The following TRMT61B variants were observed in gnomAD, a reference collection of about 807,000 sequenced individuals.
TRMT61B encodes tRNA (adenine(58)-N(1))-methyltransferase, mitochondrial.
A neutral mutation model predicts 52.0 loss-of-function variants in TRMT61B; 56 were observed. The ratio of observed to expected loss-of-function variants is 1.08; its 90% CI spans 0.87 to 1.35. The LOEUF (loss-of-function observed/expected upper bound fraction) is 1.35. TRMT61B is among the 40% of genes most tolerant of loss of function. TRMT61B has a pLI of 0.00. For synonymous variants in TRMT61B, 206 were observed against 220.0 expected (o/e 0.94, Z 0.56); for missense variants, 650 against 577.9 (o/e 1.12, Z -1.28).
intron 1 of TRMT61B, among the ~76,000 whole-genome samples, chr2:28,868,694 T>C (rs1669951278): frequency 6.6e-6 from 1 of 152,222 alleles, no homozygotes; most frequent in Admixed American, 6.5e-5. Context: ...ATTGAAATAA[T>C]CTGCTAGCAA....
chr2:28,857,678 A>ATTTAAT (rs1364417404), intron 3 of TRMT61B, among the ~76,000 whole-genome samples: 1 of 152,086 alleles, frequency 6.6e-6, no homozygotes, highest in African/African-American at 2.4e-5. Flanking sequence ...TAAGTGACTT[A>ATTTAAT]CCCAAGGTTA....
intron 1 of TRMT61B, among the ~76,000 whole-genome samples, chr2:28,865,902 A>T (rs1460082737): frequency 6.6e-6 from 1 of 151,348 alleles, no homozygotes; most frequent in Admixed American, 6.6e-5. Context: ...GCTGGTCTTG[A>T]ACTCCTGACC....
intron 1 of TRMT61B, among the ~76,000 whole-genome samples, chr2:28,865,694 T>C (rs967425628): frequency 9.6e-6 from 1 of 103,858 alleles, no homozygotes; most frequent in Non-Finnish European, 2.1e-5. Flanking sequence ...TTTTTTTTTT[T>C]TGGGAGACGA....
chr2:28,852,468 G>T lies in TRMT61B; in HGVS notation c.1025C>A (p.Thr342Asn). ...VALDMLNPHVTLPVFYPHLKH... is the reference protein window; with the variant it reads ...VALDMLNPHVNLPVFYPHLKH... ...AAGATGTGGGTAAAAAACAGGCAAA[G>T]TAACATGAGGATTTAACATATCCAA... is the stretch of plus-strand genomic sequence containing the variant. The change falls in exon 4 of 7, where the codon ACT becomes AAT. Residue 342 changes from threonine (T) to asparagine (N), a missense_variant. Transcript: ENST00000306108. 6.2e-7 allele frequency: 1 copy of T among 1,612,424 alleles called. No homozygotes were observed. The highest frequency in any genetic ancestry group is 8.5e-7 in the Non-Finnish European group (1 of 1,178,774).
At position 28,861,446 on chromosome 2, in the gene TRMT61B, T is replaced by G. The variant is rs932986385; in HGVS notation, c.803-138A>C. 1.5e-5 allele frequency: 10 copies of G among 685,932 alleles called. No individual in the cohort carries two copies. The Admixed American group carries it at 2.1e-4, about 14-fold the overall frequency. The allele number at this position is 685,932 out of a possible 1,614,324, so 42.5% of individuals were successfully genotyped here. On this transcript the variant is annotated intron_variant, in intron 2 of 6. Coordinates refer to ENST00000306108, the MANE Select transcript of TRMT61B (RefSeq NM_017910.4). ...TCAATGTTACAAGTCTGATCTCCTA[T>G]CCCTGATCTCCAATTAATCTCCCTC...
In TRMT61B at chr2:28,870,226, G is replaced by A. The variant is rs1452894000; in HGVS notation, c.52C>T (p.Leu18Phe). Residue 18 changes from leucine (L) to phenylalanine (F), a missense_variant, in exon 1 of 7, where the codon CTC (leucine) becomes TTC (phenylalanine). Coordinates refer to ENST00000306108, the MANE Select transcript of TRMT61B (RefSeq NM_017910.4). ...CCGTGCAGGAATGAATTGGTTCCGA[G>A]CCCCTGCCGCAGGCACAGCAAGACA... ...GPVLLCLRQG[L>F]GTNSFLHGLG... 6.2e-7 allele frequency: 1 copy of A among 1,608,202 alleles called. No homozygotes were observed. Among genetic ancestry groups the A allele is most frequent in the Non-Finnish European group, 8.5e-7 (1 of 1,178,882 alleles).
At chr2:28,858,571 G>T (rs1669447722) in intron 3 of TRMT61B, among the ~76,000 whole-genome samples, 1 of 151,314 alleles carries the variant, frequency 6.6e-6, no homozygotes, top group Non-Finnish European at 1.5e-5. Context: ...GAAGCGGGTG[G>T]ATCGCTTGAG....
In TRMT61B at chr2:28,869,824, GA is replaced by G; in HGVS notation, c.453del (p.Gln152ArgfsTer5). ...TCAGCTAAAATCAGTTCCCCAGCCTGAAAGGGTCTCTCTCTGGAAGTTGAAC... is the reference window on the plus strand; with the variant it reads ...TCAGCTAAAATCAGTTCCCCAGCCTGAAGGGTCTCTCTCTGGAAGTTGAAC... ...PSCSTSRERPFQAGELILAET... is the reference protein window; with the variant it reads ...PSCSTSRERPXQAGELILAET... On this transcript the variant is annotated frameshift_variant, in exon 1 of 7. Coordinates refer to ENST00000306108, the MANE Select transcript of TRMT61B (RefSeq NM_017910.4). LOFTEE classifies it high-confidence loss of function. The G allele has an allele frequency of 6.2e-7, 1 of 1,614,150 alleles. No homozygotes were observed. The highest frequency in any genetic ancestry group is 8.5e-7 in the Non-Finnish European group (1 of 1,180,002).
intron 3 of TRMT61B, among the ~76,000 whole-genome samples, chr2:28,853,073 A>G (rs996014171): frequency 1.3e-5 from 2 of 152,218 alleles, no homozygotes; most frequent in Non-Finnish European, 2.9e-5. Context: ...GTATATATGA[A>G]TATAACCAAA....
intron 2 of TRMT61B, among the ~76,000 whole-genome samples, chr2:28,862,864 T>TGTG (rs1669667819): frequency 6.9e-5 from 10 of 143,934 alleles, no homozygotes; most frequent in Non-Finnish European, 1.5e-4. Context: ...GTATTTGTAT[T>TGTG]TGTGTGTGTG....
At position 28,865,122 on chromosome 2, in the gene TRMT61B, A is replaced by G. The variant is rs1669777131; in HGVS notation, c.700-3T>C. The G allele has an allele frequency of 1.9e-6, 3 of 1,559,396 alleles. No individual in the cohort carries two copies. The highest frequency in any genetic ancestry group is 1.7e-4 in the Middle Eastern group (1 of 5,964). On this transcript the variant is annotated splice_polypyrimidine_tract_variant and splice_region_variant and intron_variant, in intron 1 of 6. Transcript: ENST00000306108. ...ATTGAGAGAATCATATTAATATCCT[A>G]TGATTGAAAACAGTATGGGTGACTC...
At chr2:28,861,899 T>C (rs377035583) in intron 2 of TRMT61B, 7 of 152,142 alleles carry the variant, frequency 4.6e-5, no homozygotes, top group African/African-American at 1.2e-4. Context: ...CAACCAGCAA[T>C]GTATTAGAAT....
chr2:28,870,227 C>T lies in TRMT61B; in HGVS notation c.51G>A (p.Gly17=). 7 of 1,609,986 alleles carry T rather than the reference C, an allele frequency of 4.3e-6. No individual in the cohort carries two copies. Among genetic ancestry groups the T allele is most frequent in the Non-Finnish European group, 5.9e-6 (7 of 1,179,250 alleles). Reference sequence around the variant, plus strand: ...CGTGCAGGAATGAATTGGTTCCGAGCCCCTGCCGCAGGCACAGCAAGACAG... The same window carrying T: ...CGTGCAGGAATGAATTGGTTCCGAGTCCCTGCCGCAGGCACAGCAAGACAG... The part of the protein sequence containing the change: ...RGPVLLCLRQ[G]LGTNSFLHGL... Residue 17 remains glycine (G), a synonymous_variant, in exon 1 of 7, where the codon GGG becomes GGA. Transcript: ENST00000306108.
At chr2:28,866,624 G>A (rs1343010823) in intron 1 of TRMT61B, among the ~76,000 whole-genome samples, 2 of 152,122 alleles carry the variant, frequency 1.3e-5, no homozygotes, top group South Asian at 2.1e-4. Context: ...CCTGTTACAG[G>A]CCACACACTG....
intron 3 of TRMT61B, among the ~76,000 whole-genome samples, chr2:28,858,127 G>A (rs535179513): frequency 1.4e-5 from 2 of 145,562 alleles, no homozygotes; most frequent in African/African-American, 5.1e-5. Flanking sequence ...TGCAAGCTCC[G>A]CCTCCCGGGT....
At chr2:28,858,727 G>T (rs568693130) in intron 3 of TRMT61B, among the ~76,000 whole-genome samples, 20 of 146,310 alleles carry the variant, frequency 1.4e-4, no homozygotes, top group Admixed American at 1.3e-3. Context: ...CCCGGGAGGC[G>T]GAGGTTGCAG....
At chr2:28,861,637 T>C (rs1572546833) in intron 2 of TRMT61B, 1 of 206,078 alleles carries the variant, frequency 4.9e-6, no homozygotes, top group Non-Finnish European at 9.6e-6. Context: ...TCAGTGCTTC[T>C]AGATGTACTG....
intron 3 of TRMT61B, among the ~76,000 whole-genome samples, chr2:28,858,794 C>CAAAAAAA (rs1033258916): frequency 6.8e-4 from 16 of 23,552 alleles, no homozygotes; most frequent in African/African-American, 1.4e-3. Flanking sequence ...GACTCCGTCT[C>CAAAAAAA]AAAAAAAAAA....
intron 5 of TRMT61B, chr2:28,850,620 C>A: frequency 2.2e-6 from 1 of 458,224 alleles, no homozygotes. Flanking sequence ...ATGGATAAGC[C>A]TATATCATAA....
Sources: gnomAD v4.1 joint callset for allele counts (sites outside exome capture counted in the v4.1 genomes callset) on GRCh38, gnomAD v4.1.1 for gene constraint, MANE v1.5 for transcripts, NCBI Gene and HGNC (gene_info 2026-07-23, HGNC 2026-07-21) for gene names.